EVL: variants seen among roughly 807,000 people sequenced by gnomAD.
The protein encoded by EVL is Enah/Vasp-like, also known as ena/VASP-like protein.
In EVL, 21 loss-of-function variants were observed where a neutral mutation model predicts 59.6. That is an observed-to-expected ratio of 0.35 (90% CI 0.25 to 0.51). The LOEUF is 0.51. EVL is among the 20% of genes least tolerant of loss of function. The pLI is 0.97. For synonymous variants in EVL, 198 were observed against 203.5 expected, an observed-to-expected ratio of 0.97 and a Z score of 0.23; for missense variants, 462 against 546.6, an observed-to-expected ratio of 0.85 and a Z score of 1.54.
intron 1 of EVL, among the ~76,000 whole-genome samples, chr14:100,078,697 C>T (rs554076294): frequency 3.5e-4 from 54 of 152,180 alleles, no homozygotes; most frequent in African/African-American, 1.2e-3. Flanking sequence ...GTTAGGTGCC[C>T]ACCCTTGTGA....
chr14:100,105,369 T>C (rs1479650175), intron 3 of EVL, among the ~76,000 whole-genome samples: 1 of 152,116 alleles, frequency 6.6e-6, no homozygotes, highest in Non-Finnish European at 1.5e-5. Flanking sequence ...CCTTCCAGAC[T>C]GAGACTCAGG....
At chr14:99,979,392 T>A (rs1263559923) in intron 1 of EVL, among the ~76,000 whole-genome samples, 9 of 152,246 alleles carry the variant, frequency 5.9e-5, no homozygotes, top group African/African-American at 1.9e-4. Flanking sequence ...TTAAAAAAAT[T>A]TTAGGTCATT....
chr14:100,045,426 G>A (rs960691273), intron 1 of EVL, among the ~76,000 whole-genome samples: 8 of 152,124 alleles, frequency 5.3e-5, no homozygotes, highest in African/African-American at 1.9e-4. Flanking sequence ...CTTCCTATCC[G>A]TGGTGTTTAG....
chr14:100,101,082 G>C (rs935222956), intron 3 of EVL, among the ~76,000 whole-genome samples: 1 of 152,084 alleles, frequency 6.6e-6, no homozygotes, highest in Non-Finnish European at 1.5e-5. Flanking sequence ...TTTTGGGTCC[G>C]GGCATGGTGG....
chr14:100,071,700 A>G (rs2062051549), intron 1 of EVL, among the ~76,000 whole-genome samples: 2 of 152,328 alleles, frequency 1.3e-5, no homozygotes, highest in African/African-American at 4.8e-5. Flanking sequence ...CACTACAGAC[A>G]GCAAGCATGG....
chr14:100,136,058 T>C, intron 9 of EVL, 90 bp downstream of exon 9: 1 of 1,436,780 alleles, frequency 7.0e-7, no homozygotes, highest in Non-Finnish European at 9.7e-7. Context: ...TGATCCAGCC[T>C]CTTTAGTATG....
intron 1 of EVL, among the ~76,000 whole-genome samples, chr14:100,041,217 A>G (rs957706961): frequency 6.6e-6 from 1 of 152,214 alleles, no homozygotes; most frequent in Non-Finnish European, 1.5e-5. Context: ...GATTGGCAGC[A>G]TGGAAAGGAA....
chr14:100,118,192 C>T (rs114438799), intron 3 of EVL, among the ~76,000 whole-genome samples: 11 of 152,280 alleles, frequency 7.2e-5, no homozygotes, highest in South Asian at 2.1e-4. Flanking sequence ...CACGCCTGAC[C>T]GCCCGAGTCT....
At chr14:99,998,051 G>A (rs1005664246) in intron 1 of EVL, among the ~76,000 whole-genome samples, 9 of 151,504 alleles carry the variant, frequency 5.9e-5, no homozygotes, top group African/African-American at 2.2e-4. Context: ...ACAAAGTCTT[G>A]CTCTTTTACC....
At chr14:100,061,044 T>C (rs1260596638), upstream of EVL, among the ~76,000 whole-genome samples, 1 of 151,652 alleles carries the variant, frequency 6.6e-6, no homozygotes, top group Middle Eastern at 3.2e-3. Context: ...AAGATGTTTT[T>C]CAGATAAAAG....
At chr14:100,084,069 T>TTC (rs1555422328) in intron 1 of EVL, among the ~76,000 whole-genome samples, 12 of 151,130 alleles carry the variant, frequency 7.9e-5, no homozygotes, top group Non-Finnish European at 1.0e-4. Flanking sequence ...TTTTTTTTTT[T>TTC]CCGAGACAGT....
chr14:100,133,918 C>T (rs1888606464), intron 8 of EVL, among the ~76,000 whole-genome samples: 1 of 152,210 alleles, frequency 6.6e-6, no homozygotes, highest in Non-Finnish European at 1.5e-5. Context: ...GCCTGGGCAA[C>T]AAGAACGAGA....
chr14:100,097,879 T>C (rs534979291), intron 3 of EVL: 13 of 470,448 alleles, frequency 2.8e-5, no homozygotes, highest in East Asian at 1.1e-4. Flanking sequence ...TTGTGAGATA[T>C]AGATTTGTAC....
intron 1 of EVL, among the ~76,000 whole-genome samples, chr14:99,985,285 A>G (rs1338775765): frequency 6.6e-6 from 1 of 152,024 alleles, no homozygotes; most frequent in African/African-American, 2.4e-5. Flanking sequence ...TATGAACGAC[A>G]TAATTTTTAT....
intron 1 of EVL, among the ~76,000 whole-genome samples, chr14:100,052,073 G>A (rs1470724262): frequency 6.6e-6 from 1 of 152,212 alleles, no homozygotes; most frequent in African/African-American, 2.4e-5. Context: ...GGAAGGGCAG[G>A]TCTTTTTTCT....
intron 1 of EVL, chr14:100,074,366 T>C (rs767199246): frequency 6.6e-6 from 1 of 152,214 alleles, no homozygotes; most frequent in African/African-American, 2.4e-5. Context: ...CCAGCCAACA[T>C]TGTCCTTTTT....
intron 1 of EVL, among the ~76,000 whole-genome samples, chr14:100,043,789 T>G (rs2061505583): frequency 1.3e-5 from 2 of 151,904 alleles, no homozygotes; most frequent in South Asian, 4.2e-4. Flanking sequence ...ATTTTTAAAT[T>G]TTTTTGTAAA....
chr14:100,047,142 T>TTTTTTTTTTTTTTTTTTTC (rs2061566331), intron 1 of EVL, among the ~76,000 whole-genome samples: 1 of 143,174 alleles, frequency 7.0e-6, no homozygotes, highest in Non-Finnish European at 1.5e-5. Context: ...TTTTTTTTTT[T>TTTTTTTTTTTTTTTTTTTC]TTTACCTGAC....
At position 100,127,099 on chromosome 14, in the gene EVL, C is replaced by G. The variant is rs1043115072; in HGVS notation, c.487+328C>G. On this transcript the variant is annotated intron_variant, in intron 5 of 13. Coordinates refer to ENST00000392920, the MANE Select transcript of EVL (RefSeq NM_016337.3). This position sits in a 1 kb window ranked among gnomAD's most constrained non-coding sequence, Gnocchi z 4.2. ...GCAGTTCCTGCCCTCAGGAAGCCCG[C>G]TGTCCACTCAAGGAGACAGTGAACC... Among the ~76,000 whole-genome samples the G allele has an allele frequency of 2.0e-5, 3 of 152,232 alleles. No homozygotes were observed. The highest frequency in any genetic ancestry group is 4.4e-5 in the Non-Finnish European group (3 of 68,042).
Sources: allele counts gnomAD v4.1 joint callset (sites outside exome capture counted in the v4.1 genomes callset), GRCh38; gene constraint gnomAD v4.1.1; non-coding constraint Gnocchi (gnomAD v3.1); transcripts MANE v1.5; gene names NCBI Gene and HGNC (gene_info 2026-07-23, HGNC 2026-07-21).